L3MBTL3: variants seen among roughly 807,000 people sequenced by gnomAD.
The protein encoded by L3MBTL3 is L3MBTL histone methyl-lysine binding protein 3, also known as lethal(3)malignant brain tumor-like protein 3.
A neutral mutation model predicts 102.3 loss-of-function variants in L3MBTL3; 27 were observed. The ratio of observed to expected loss-of-function variants is 0.26; its 90% CI spans 0.19 to 0.36. The LOEUF is 0.36. Ranked by LOEUF, L3MBTL3 falls within the 10% of genes least tolerant of loss-of-function variation. The pLI is 1.00. For missense variants in L3MBTL3, 798 were observed against 955.3 expected (o/e 0.84, Z 2.17); for synonymous variants, 340 against 320.9 (o/e 1.06, Z -0.64).
At chr6:130,119,184 C>T (rs79414742) in intron 19 of L3MBTL3, among the ~76,000 whole-genome samples, 357 of 152,072 alleles carry the variant, frequency 2.3e-3, no homozygotes, top group African/African-American at 7.7e-3. Flanking sequence ...ATATCAACTA[C>T]TCATCAGAGC....
At chr6:130,138,997 C>T (rs538919216) in intron 22 of L3MBTL3, among the ~76,000 whole-genome samples, 20 of 152,222 alleles carry the variant, frequency 1.3e-4, no homozygotes, top group Admixed American at 2.6e-4. Context: ...ACCCTACCTG[C>T]GTATTAGAAG....
chr6:130,097,724 C>T (rs908689839), intron 18 of L3MBTL3, among the ~76,000 whole-genome samples: 8 of 151,808 alleles, frequency 5.3e-5, no homozygotes, highest in Non-Finnish European at 8.8e-5. Context: ...TTTGGCCTAC[C>T]GAGAGAGGGT....
At chr6:130,079,459 A>C (rs776412107) in intron 14 of L3MBTL3, among the ~76,000 whole-genome samples, 9 of 152,204 alleles carry the variant, frequency 5.9e-5, no homozygotes, top group Non-Finnish European at 1.3e-4. Context: ...GCTAAAGAAC[A>C]GATTCTGCGG....
At chr6:130,108,783 C>G (rs1785162465) in intron 19 of L3MBTL3, among the ~76,000 whole-genome samples, 1 of 151,924 alleles carries the variant, frequency 6.6e-6, no homozygotes, top group African/African-American at 2.4e-5. Context: ...GTTTGCTGCA[C>G]CTATCAACCT....
intron 2 of L3MBTL3, among the ~76,000 whole-genome samples, chr6:130,042,458 TTTTTAAC>T (rs1390562058): frequency 2.1e-5 from 1 of 47,816 alleles, no homozygotes; most frequent in Non-Finnish European, 8.2e-5. Flanking sequence ...ACCATAACAC[TTTTTAAC>T]TAAGACATTT....
intron 22 of L3MBTL3, among the ~76,000 whole-genome samples, chr6:130,136,821 T>C (rs1052685190): frequency 6.6e-6 from 1 of 152,188 alleles, no homozygotes; most frequent in African/African-American, 2.4e-5. Flanking sequence ...TTTCACCATA[T>C]TGGCCACACT....
In L3MBTL3 at chr6:130,042,678, CT is replaced by C; in HGVS notation, c.-15-4del. On this transcript the variant is annotated splice_region_variant and splice_polypyrimidine_tract_variant and intron_variant, in intron 2 of 22. Transcript: ENST00000361794. ...ATTTAGTGATATGCCTTCTTTTCCC[CT>C]TTCAGGTTAAAAAATAAATCATGAC... 6.5e-7 allele frequency: 1 copy of C among 1,535,074 alleles called. No homozygotes were observed. The highest frequency in any genetic ancestry group is 1.4e-5 in the African/African-American group (1 of 73,324).
chr6:130,083,768 C>A, intron 15 of L3MBTL3, 63 bp downstream of exon 15: 1 of 840,130 alleles, frequency 1.2e-6, no homozygotes, highest in Non-Finnish European at 1.9e-6. Context: ...AATTGAAGAA[C>A]AGAACAAGAT....
At position 130,043,346 on chromosome 6, in the gene L3MBTL3, A is replaced by G. The variant is rs4895865; in HGVS notation, c.102+545A>G. On this transcript the variant is annotated intron_variant, in intron 3 of 22. Coordinates refer to ENST00000361794, the MANE Select transcript of L3MBTL3 (RefSeq NM_032438.4). The stretch of plus-strand genomic sequence containing the variant: ...GTTCTTCCTGTAAATCCGTCTGCCT[A>G]AGTATAGATGAGAACTCTTTGGAGA... Among the ~76,000 whole-genome samples, 93 of 151,722 alleles carry G rather than the reference A, an allele frequency of 6.1e-4. 2 individuals are homozygous for G. Among genetic ancestry groups the G allele is most frequent in the African/African-American group, 2.1e-3 (89 of 41,464 alleles).
chr6:130,056,017 T>G (rs1186461700), intron 8 of L3MBTL3, among the ~76,000 whole-genome samples: 1 of 144,762 alleles, frequency 6.9e-6, no homozygotes, highest in Non-Finnish European at 1.5e-5. Context: ...AGCCTCCACC[T>G]CCTGGGTTCA....
intron 2 of L3MBTL3, among the ~76,000 whole-genome samples, chr6:130,024,970 A>C: frequency 6.6e-6 from 1 of 152,178 alleles, no homozygotes; most frequent in African/African-American, 2.4e-5. Flanking sequence ...GGCACAATAT[A>C]ATGCATTCCT....
At chr6:130,052,758 C>G in intron 6 of L3MBTL3, 101 bp from the exon 7 acceptor site, 1 of 1,401,126 alleles carries the variant, frequency 7.1e-7, no homozygotes, top group Non-Finnish European at 9.5e-7. Context: ...TTTTCCTTTG[C>G]AGGGTGATTT....
chr6:130,058,105 T>C (rs1781635756), intron 9 of L3MBTL3, among the ~76,000 whole-genome samples: 2 of 136,148 alleles, frequency 1.5e-5, no homozygotes, highest in Non-Finnish European at 3.0e-5. Flanking sequence ...ATTGCGCCAT[T>C]GCAGTCCGCA....
intron 3 of L3MBTL3, among the ~76,000 whole-genome samples, chr6:130,044,457 A>G (rs990209926): frequency 6.6e-6 from 1 of 152,160 alleles, no homozygotes. Context: ...TTAGCTTTTA[A>G]CAATAGAGTG....
chr6:130,124,073 T>C (rs983097856), intron 20 of L3MBTL3, among the ~76,000 whole-genome samples: 1 of 152,210 alleles, frequency 6.6e-6, no homozygotes, highest in Non-Finnish European at 1.5e-5. Flanking sequence ...GATGTAGTTA[T>C]AGCAGAGGCC....
chr6:130,020,161 G>T (rs1778883711), intron 1 of L3MBTL3, among the ~76,000 whole-genome samples: 1 of 151,066 alleles, frequency 6.6e-6, no homozygotes, highest in African/African-American at 2.4e-5. Context: ...CCGCGTGTGT[G>T]TGCGGTTCCG....
At chr6:130,052,580 C>G (rs1368637031) in intron 6 of L3MBTL3, among the ~76,000 whole-genome samples, 1 of 152,160 alleles carries the variant, frequency 6.6e-6, no homozygotes, top group Admixed American at 6.5e-5. Flanking sequence ...AGACAAATAA[C>G]TTGTTAGAAC....
intron 2 of L3MBTL3, among the ~76,000 whole-genome samples, chr6:130,034,707 G>C (rs182297187): frequency 1.6e-3 from 246 of 152,336 alleles, no homozygotes; most frequent in Middle Eastern, 6.8e-3. Flanking sequence ...TCATAGCACT[G>C]AGACTAAGCG....
intron 2 of L3MBTL3, among the ~76,000 whole-genome samples, chr6:130,024,022 CT>C (rs1779177856): frequency 6.6e-6 from 1 of 152,028 alleles, no homozygotes; most frequent in African/African-American, 2.4e-5. Flanking sequence ...GAAAGAAATA[CT>C]TTAAAATGAT....
Sources: allele counts gnomAD v4.1 joint callset (sites outside exome capture counted in the v4.1 genomes callset), GRCh38; gene constraint gnomAD v4.1.1; transcripts MANE v1.5; gene names NCBI Gene and HGNC (gene_info 2026-07-23, HGNC 2026-07-21).